Variants in KCNAB1 observed in about 807,000 individuals in gnomAD.
The protein encoded by KCNAB1 is potassium voltage-gated channel subfamily A regulatory beta subunit 1, also known as voltage-gated potassium channel subunit beta-1.
KCNAB1 carries 35 observed loss-of-function variants against 64.6 expected under a neutral mutation model. The observed-to-expected ratio is 0.54, with a 90% CI of 0.41 to 0.72. The LOEUF (loss-of-function observed/expected upper bound fraction) is 0.72, where lower values mean the gene tolerates loss of function less well. Ranked by LOEUF, KCNAB1 falls within the 30% of genes least tolerant of loss-of-function variation. The pLI is 0.00. For missense variants in KCNAB1, 401 were observed against 512.9 expected (o/e 0.78, Z 2.11); for synonymous variants, 177 against 183.8 (o/e 0.96, Z 0.30).
chr3:156,131,056 TC>T (rs2108265058), intron 1 of KCNAB1, among the ~76,000 whole-genome samples: 1 of 152,362 alleles, frequency 6.6e-6, no homozygotes, highest in East Asian at 1.9e-4. Flanking sequence ...TTTGGCCATC[TC>T]CTTCTCATCC....
At chr3:156,176,284 A>G (rs1356776718) in intron 1 of KCNAB1, 2 of 973,558 alleles carry the variant, frequency 2.1e-6, no homozygotes, top group South Asian at 1.3e-5. Context: ...ATCATTGTCT[A>G]TTCCACCAGA....
intron 11 of KCNAB1, among the ~76,000 whole-genome samples, chr3:156,521,560 C>T (rs1717941144): frequency 6.6e-6 from 1 of 152,156 alleles, no homozygotes; most frequent in African/African-American, 2.4e-5. Context: ...CAAATCATTG[C>T]AGTGCAGTGG....
intron 7 of KCNAB1, among the ~76,000 whole-genome samples, chr3:156,468,848 G>A (rs557975692): frequency 8.5e-5 from 13 of 152,282 alleles, no homozygotes; most frequent in South Asian, 4.1e-4. Flanking sequence ...AGGCCTTAGT[G>A]TCCCATTTGA....
In KCNAB1 at chr3:156,291,697, C is replaced by A; in HGVS notation, c.276-129919C>A. 8.5e-6 allele frequency: 12 copies of A among 1,419,144 alleles called. No individual in the cohort carries two copies. The South Asian group carries it at 1.2e-4, about 14-fold the overall frequency. 87.9% of individuals were successfully genotyped at this position (1,419,144 alleles called of 1,614,324 possible). ...GGGCCGTCTGTTTACTTCTCTGGGT[C>A]CCCGGGGACTCTTTCCTGCATCGCA... is the stretch of plus-strand genomic sequence containing the variant. On this transcript the variant is annotated intron_variant, in intron 1 of 13. Coordinates refer to ENST00000490337, the MANE Select transcript of KCNAB1 (RefSeq NM_172160.3).
At chr3:156,218,166 C>A (rs1352405313) in intron 1 of KCNAB1, 1 of 152,294 alleles carries the variant, frequency 6.6e-6, no homozygotes, top group Non-Finnish European at 1.5e-5. Flanking sequence ...GGGAATGAGA[C>A]CGGCCTTTAG....
upstream of KCNAB1, among the ~76,000 whole-genome samples, chr3:156,120,280 A>G (rs1713256156): frequency 6.6e-6 from 1 of 152,258 alleles, no homozygotes; most frequent in Non-Finnish European, 1.5e-5. Context: ...CCAAAAGTTC[A>G]GAGTTGTCAC....
intron 1 of KCNAB1, among the ~76,000 whole-genome samples, chr3:156,336,689 G>T (rs1159944743): frequency 2.0e-5 from 3 of 152,164 alleles, no homozygotes; most frequent in Admixed American, 2.0e-4. Flanking sequence ...CTAAGGGAGT[G>T]TTCTTTCTTT....
chr3:156,247,450 T>C (rs1717526087), intron 1 of KCNAB1, among the ~76,000 whole-genome samples: 1 of 151,936 alleles, frequency 6.6e-6, no homozygotes, highest in African/African-American at 2.4e-5. Flanking sequence ...TGGTAAGAGA[T>C]TTTTCTCTTA....
intron 1 of KCNAB1, among the ~76,000 whole-genome samples, chr3:156,235,741 G>A (rs1716804926): frequency 6.6e-6 from 1 of 152,202 alleles, no homozygotes; most frequent in African/African-American, 2.4e-5. Flanking sequence ...CAGAGGAGAT[G>A]GGGTGGGTGG....
chr3:156,163,787 G>C (rs1716217549), intron 1 of KCNAB1, among the ~76,000 whole-genome samples: 1 of 152,176 alleles, frequency 6.6e-6, no homozygotes, highest in Admixed American at 6.5e-5. Context: ...AGCACTTTAA[G>C]TCAACTTTTA....
intron 1 of KCNAB1, among the ~76,000 whole-genome samples, chr3:156,279,819 T>A (rs1261356507): frequency 6.6e-6 from 1 of 151,966 alleles, no homozygotes; most frequent in African/African-American, 2.4e-5. Context: ...GGGTTGTTTG[T>A]TTTTTTCTTG....
At chr3:156,351,082 G>C (rs1576759710) in intron 1 of KCNAB1, among the ~76,000 whole-genome samples, 1 of 152,372 alleles carries the variant, frequency 6.6e-6, no homozygotes, top group East Asian at 1.9e-4. Flanking sequence ...ATCCAGTATG[G>C]AAAGGAAATG....
chr3:156,446,213 A>C lies in KCNAB1; in HGVS notation c.320-6686A>C, dbSNP rs958815856. ...TCACCAGGGTAATGACCTGGAGCTT[A>C]AGGATCTCAGGTGGTGGCCAACAGC... On this transcript the variant is annotated intron_variant, in intron 2 of 13. Coordinates refer to ENST00000490337, the MANE Select transcript of KCNAB1 (RefSeq NM_172160.3). The C allele has an allele frequency of 1.9e-4, 29 of 152,226 alleles. 1 individual carries two copies. Among genetic ancestry groups the C allele is most frequent in the African/African-American group, 6.5e-4 (27 of 41,448 alleles). 9.4% of individuals were successfully genotyped at this position (152,226 alleles called of 1,614,324 possible). A position where few individuals can be genotyped will look rare whatever the true frequency, so the allele number is the denominator to read the frequency against.
intron 1 of KCNAB1, among the ~76,000 whole-genome samples, chr3:156,168,183 A>G (rs1312156998): frequency 2.0e-5 from 3 of 152,126 alleles, no homozygotes; most frequent in Non-Finnish European, 4.4e-5. Flanking sequence ...AGCCTGGGTA[A>G]GAGAGTGAGA....
chr3:156,205,851 A>C (rs1261401852), intron 1 of KCNAB1, among the ~76,000 whole-genome samples: 3 of 152,256 alleles, frequency 2.0e-5, no homozygotes, highest in Admixed American at 1.3e-4. Context: ...CATTGCAAAA[A>C]GTGGTCTCAA....
chr3:156,118,788 C>A (rs184076742), upstream of KCNAB1, among the ~76,000 whole-genome samples: 94 of 152,336 alleles, frequency 6.2e-4, no homozygotes, highest in African/African-American at 2.2e-3. Context: ...CAGAGCCCCC[C>A]ATTGAAACAT....
rs764168747 is a variant in KCNAB1 at position 156,120,892 on chromosome 3, C to G, written c.275+6C>G. ...ACCACAGGCATGCCGCACAGGTAAG[C>G]TGCCCCTGCTCTGCGCGGGCTTTGG... is the stretch of plus-strand genomic sequence containing the variant. On this transcript the variant is annotated splice_donor_region_variant and intron_variant, in intron 1 of 13. Coordinates refer to ENST00000490337, the MANE Select transcript of KCNAB1 (RefSeq NM_172160.3). The G allele has an allele frequency of 6.2e-7, 1 of 1,613,194 alleles. No homozygotes were observed. The highest frequency in any genetic ancestry group is 8.5e-7 in the Non-Finnish European group (1 of 1,179,658).
chr3:156,381,311 G>A (rs962777997), intron 1 of KCNAB1, among the ~76,000 whole-genome samples: 4 of 152,198 alleles, frequency 2.6e-5, no homozygotes, highest in African/African-American at 4.8e-5. Flanking sequence ...TGAGGGAACA[G>A]CATGAGATCC....
Position 156,508,846 on chromosome 3 carries a change from G to A in KCNAB1, c.659-5518G>A, listed in dbSNP as rs1405861708. Among the ~76,000 whole-genome samples, 6 of 152,194 alleles carry A rather than the reference G, an allele frequency of 3.9e-5. No homozygotes were observed. Among genetic ancestry groups the A allele is most frequent in the Non-Finnish European group, 8.8e-5 (6 of 68,054 alleles). On this transcript the variant is annotated intron_variant, in intron 8 of 13. Transcript: ENST00000490337. This position sits in a 1 kb window ranked among gnomAD's most constrained non-coding sequence, Gnocchi z 4.1. ...AGCTGCCTGTGGCGGGTGAGCGCTG[G>A]GGAGGCATCATTAGGTTAAAGAATA... is the stretch of plus-strand genomic sequence containing the variant.
Sources: allele counts gnomAD v4.1 joint callset (sites outside exome capture counted in the v4.1 genomes callset), GRCh38; gene constraint gnomAD v4.1.1; non-coding constraint Gnocchi (gnomAD v3.1); transcripts MANE v1.5; gene names NCBI Gene and HGNC (gene_info 2026-07-23, HGNC 2026-07-21).